DPP6: variants seen among roughly 807,000 people sequenced by gnomAD.
DPP6 encodes dipeptidyl peptidase like 6.
A neutral mutation model predicts 122.6 loss-of-function variants in DPP6; 69 were observed. The observed-to-expected ratio is 0.56, with a 90% CI of 0.46 to 0.69. DPP6 has a LOEUF of 0.69. Among genes scored for constraint, DPP6 ranks in the 30% least tolerant of loss-of-function variants. The pLI, the probability that DPP6 is intolerant of heterozygous loss-of-function variation, is 0.00. For synonymous variants in DPP6, 418 were observed against 433.1 expected (o/e 0.97, Z 0.43); for missense variants, 928 against 1,116.9 (o/e 0.83, Z 2.41).
At chr7:154,502,199 C>T (rs1336382946) in intron 3 of DPP6, among the ~76,000 whole-genome samples, 5 of 152,114 alleles carry the variant, frequency 3.3e-5, no homozygotes, top group Non-Finnish European at 5.9e-5. Context: ...CGCTAATAGA[C>T]AGAAGGGACT....
At chr7:154,203,693 G>C (rs1799288235) in intron 1 of DPP6, among the ~76,000 whole-genome samples, 1 of 152,226 alleles carries the variant, frequency 6.6e-6, no homozygotes, top group African/African-American at 2.4e-5. Flanking sequence ...CAAAAGTGAA[G>C]AAATAATAAG....
intron 19 of DPP6, among the ~76,000 whole-genome samples, chr7:154,873,467 C>CA (rs3840561): frequency 0.17 from 25,272 of 152,072 alleles, 2,467 homozygotes; most frequent in East Asian, 0.54. Context: ...CCGGCTGAAG[C>CA]GAGGCCTATG....
At chr7:153,955,467 CT>C (rs1449358445) in intron 1 of DPP6, among the ~76,000 whole-genome samples, 1 of 152,092 alleles carries the variant, frequency 6.6e-6, no homozygotes, top group African/African-American at 2.4e-5. Context: ...GAGATGGAGT[CT>C]TGCTCTGTCA....
At chr7:154,012,521 A>C (rs1396305654) in intron 1 of DPP6, among the ~76,000 whole-genome samples, 1 of 152,196 alleles carries the variant, frequency 6.6e-6, no homozygotes, top group South Asian at 2.1e-4. Flanking sequence ...AAGGAAATGA[A>C]AAGACAATTC....
chr7:154,494,728 A>G (rs1430756388), intron 3 of DPP6, among the ~76,000 whole-genome samples: 1 of 152,162 alleles, frequency 6.6e-6, no homozygotes, highest in African/African-American at 2.4e-5. Context: ...TCCAAGTTTC[A>G]CATCAGGCCC....
At chr7:154,721,077 C>T (rs1453589553) in intron 7 of DPP6, among the ~76,000 whole-genome samples, 1 of 152,206 alleles carries the variant, frequency 6.6e-6, no homozygotes, top group Admixed American at 6.5e-5. Flanking sequence ...CAGGTTCCTT[C>T]TGAGTGAGGA....
At chr7:154,030,528 C>T (rs1257210552) in intron 1 of DPP6, among the ~76,000 whole-genome samples, 2 of 152,164 alleles carry the variant, frequency 1.3e-5, no homozygotes, top group Non-Finnish European at 2.9e-5. Flanking sequence ...TGCATCATAA[C>T]GGTGCTTCCT....
rs180948143 is a variant in DPP6 at position 154,062,843 on chromosome 7, C to G, written c.243+9780C>G. Among the ~76,000 whole-genome samples, 3 of 121,190 alleles carry G rather than the reference C, an allele frequency of 2.5e-5. 1 individual carries two copies. Among genetic ancestry groups the G allele is most frequent in the Non-Finnish European group, 3.5e-5 (2 of 56,964 alleles). The allele number at this position is 121,190 out of a possible 152,430, so 79.5% of individuals were successfully genotyped here. A position where few individuals can be genotyped will look rare whatever the true frequency, so the allele number is the denominator to read the frequency against. ...GGCACCCCCCGCGAGGCGGGGACTG[C>G]GAGCCAGACCCTCTTCCTCCCCCAG... is the stretch of plus-strand genomic sequence containing the variant. On this transcript the variant is annotated intron_variant, in intron 1 of 25. Coordinates refer to ENST00000377770, the MANE Select transcript of DPP6 (RefSeq NM_130797.4).
At chr7:153,876,731 G>A in the DPP6 span, among the ~76,000 whole-genome samples, 1 of 151,954 alleles carries the variant, frequency 6.6e-6, no homozygotes, top group Non-Finnish European at 1.5e-5. Flanking sequence ...AAACATCAAA[G>A]AGTGTACTTA....
chr7:153,954,207 T>C (rs894818596), intron 1 of DPP6, among the ~76,000 whole-genome samples: 6 of 152,226 alleles, frequency 3.9e-5, no homozygotes, highest in Admixed American at 3.9e-4. Flanking sequence ...GACTATAATG[T>C]TTGTCTGTAA....
At chr7:154,438,273 C>T (rs2151272706) in intron 1 of DPP6, among the ~76,000 whole-genome samples, 1 of 151,940 alleles carries the variant, frequency 6.6e-6, no homozygotes, top group African/African-American at 2.4e-5. Flanking sequence ...CGAGACCATC[C>T]TGGCTGACAC....
rs959100085 is a variant in DPP6 at position 154,833,622 on chromosome 7, G to A, written c.1667-20158G>A. Among the ~76,000 whole-genome samples, 1 of 152,124 alleles carries A rather than the reference G, an allele frequency of 6.6e-6. No individual in the cohort carries two copies. Among genetic ancestry groups the A allele is most frequent in the African/African-American group, 2.4e-5 (1 of 41,398 alleles). ...TCATTGTAGCTCCGACTCTGACTCC[G>A]TATCTCAGAGGTGGGGGGCTCTGGT... On this transcript the variant is annotated intron_variant, in intron 16 of 25. Transcript: ENST00000377770. The surrounding 1 kb of genome is among the most constrained non-coding windows in gnomAD (Gnocchi z 4.3).
chr7:154,735,417 T>C (rs1842527930), intron 8 of DPP6, among the ~76,000 whole-genome samples: 2 of 152,232 alleles, frequency 1.3e-5, no homozygotes, highest in African/African-American at 4.8e-5. Context: ...GTAAAAGTAA[T>C]GATGAAAATA....
chr7:154,560,445 T>C (rs1362001663), intron 4 of DPP6, among the ~76,000 whole-genome samples: 1 of 152,170 alleles, frequency 6.6e-6, no homozygotes, highest in Non-Finnish European at 1.5e-5. Context: ...TAACTGACAG[T>C]TTAAAGGACA....
At chr7:153,904,150 C>G (rs1357347175) in intron 1 of DPP6, among the ~76,000 whole-genome samples, 1 of 152,162 alleles carries the variant, frequency 6.6e-6, no homozygotes, top group African/African-American at 2.4e-5. Context: ...CTCCCAAGCT[C>G]AAGCAATTCT....
At chr7:154,154,281 A>C (rs902984876) in intron 1 of DPP6, among the ~76,000 whole-genome samples, 1 of 152,252 alleles carries the variant, frequency 6.6e-6, no homozygotes, top group Non-Finnish European at 1.5e-5. Context: ...CATTCCTCTG[A>C]CTGTAAAGCT....
rs373594740 is a variant in DPP6, at chr7:154,020,900, T to C, written c.51+133166T>C. Among the ~76,000 whole-genome samples, 6 of 152,194 alleles carry C rather than the reference T, an allele frequency of 3.9e-5. No individual in the cohort carries two copies. The East Asian group carries it at 9.7e-4, about 25-fold the overall frequency. The stretch of plus-strand genomic sequence containing the variant: ...AGGGCAAGACTCCTTGGTGACCAAA[T>C]GGGTAGACATGTGACAAATCACTGC... On this transcript the variant is annotated intron_variant, in intron 1 of 25. Transcript: ENST00000404039.
chr7:153,997,734 A>G lies in DPP6; in HGVS notation c.51+110000A>G, dbSNP rs546671329. On this transcript the variant is annotated intron_variant, in intron 1 of 25. Transcript: ENST00000404039. ...ATGCATTTATCAAGCATCCAGCGACAAAAAGCTCCTAGACGTCTACTACAT... is the reference window on the plus strand; with the variant it reads ...ATGCATTTATCAAGCATCCAGCGACGAAAAGCTCCTAGACGTCTACTACAT... 4.0e-4 allele frequency among the ~76,000 whole-genome samples: 59 copies of G among 147,290 alleles called. 3 individuals carry two copies. The highest frequency in any genetic ancestry group is 1.1e-3 in the Admixed American group (17 of 15,012).
intron 1 of DPP6, among the ~76,000 whole-genome samples, chr7:154,113,412 T>C (rs867205856): frequency 0.012 from 1,749 of 141,874 alleles, 18 homozygotes; most frequent in African/African-American, 0.038. Context: ...TATATATATA[T>C]ACACACACAC....
Sources: gnomAD v4.1 joint callset for allele counts (sites outside exome capture counted in the v4.1 genomes callset) on GRCh38, gnomAD v4.1.1 for gene constraint, Gnocchi (gnomAD v3.1) non-coding constraint, MANE v1.5 for transcripts, NCBI Gene and HGNC (gene_info 2026-07-23, HGNC 2026-07-21) for gene names.